The following ARHGAP24 variants were observed in gnomAD, a reference collection of about 807,000 sequenced individuals.
ARHGAP24 encodes the protein rho GTPase-activating protein 24.
ARHGAP24 carries 50 observed loss-of-function variants against 76.4 expected under a neutral mutation model. The observed-to-expected ratio is 0.65, with a 90% CI of 0.52 to 0.83. The LOEUF is 0.83. ARHGAP24 is among the 40% of genes least tolerant of loss of function. The pLI is 0.00. For synonymous variants in ARHGAP24, 345 were observed against 323.3 expected (o/e 1.07, Z -0.72); for missense variants, 930 against 914.2 (o/e 1.02, Z -0.22).
intron 1 of ARHGAP24, among the ~76,000 whole-genome samples, chr4:85,561,577 C>T (rs943488203): frequency 1.8e-4 from 28 of 152,074 alleles, no homozygotes; most frequent in African/African-American, 4.6e-4. Context: ...AAATATTTTT[C>T]GTTATGTAGT....
chr4:85,720,578 A>G (rs954755622), intron 2 of ARHGAP24, among the ~76,000 whole-genome samples: 1 of 152,208 alleles, frequency 6.6e-6, no homozygotes, highest in Admixed American at 6.5e-5. Context: ...TGAAGCTCAG[A>G]GTGTCCTAGA....
intron 3 of ARHGAP24, among the ~76,000 whole-genome samples, chr4:85,762,593 T>C (rs1036247146): frequency 2.0e-5 from 3 of 152,206 alleles, no homozygotes; most frequent in African/African-American, 7.2e-5. Context: ...AAGATAGCTC[T>C]ATCTTGAAAA....
At chr4:85,884,514 T>C (rs1733446851) in intron 3 of ARHGAP24, among the ~76,000 whole-genome samples, 1 of 152,152 alleles carries the variant, frequency 6.6e-6, no homozygotes, top group Non-Finnish European at 1.5e-5. Context: ...TTATGCGTGG[T>C]CACTGGTCTC....
chr4:85,738,367 T>A (rs963113718), intron 3 of ARHGAP24, among the ~76,000 whole-genome samples: 120 of 144,094 alleles, frequency 8.3e-4, no homozygotes, highest in African/African-American at 2.7e-3. Context: ...CATTTGGGCT[T>A]TTATTATTAT....
chr4:85,949,339 G>A (rs1163957273), intron 5 of ARHGAP24, among the ~76,000 whole-genome samples: 2 of 152,122 alleles, frequency 1.3e-5, no homozygotes, highest in Non-Finnish European at 2.9e-5. Context: ...CAATCCAAAT[G>A]TTTTTAGTTT....
At chr4:85,997,079 A>G (rs2164538) in intron 9 of ARHGAP24, among the ~76,000 whole-genome samples, 99,802 of 152,052 alleles carry the variant, frequency 0.66, 34,065 homozygotes, top group African/African-American at 0.84. Flanking sequence ...TCTTACCCTC[A>G]TGACAGGCCA....
At chr4:85,728,385 C>T (rs1236485967) in intron 3 of ARHGAP24, among the ~76,000 whole-genome samples, 1 of 151,882 alleles carries the variant, frequency 6.6e-6, no homozygotes, top group African/African-American at 2.4e-5. Flanking sequence ...CTCTCTCTCA[C>T]CTCTCTCTCA....
chr4:85,673,935 A>G (rs1722890603), intron 2 of ARHGAP24, among the ~76,000 whole-genome samples: 1 of 151,990 alleles, frequency 6.6e-6, no homozygotes, highest in Admixed American at 6.6e-5. Context: ...CTTGTATTTA[A>G]TGGAAATAAT....
At chr4:85,846,742 C>T (rs1385307587) in intron 3 of ARHGAP24, among the ~76,000 whole-genome samples, 1 of 152,132 alleles carries the variant, frequency 6.6e-6, no homozygotes, top group Non-Finnish European at 1.5e-5. Flanking sequence ...GATTTCTAGC[C>T]TTTTAACTGG....
chr4:85,824,356 C>A (rs1277700209), intron 3 of ARHGAP24, among the ~76,000 whole-genome samples: 1 of 152,174 alleles, frequency 6.6e-6, no homozygotes, highest in Non-Finnish European at 1.5e-5. Context: ...TAGAAAAATA[C>A]TTGTCTTCAT....
intron 4 of ARHGAP24, among the ~76,000 whole-genome samples, chr4:85,940,907 G>A (rs1157763065): frequency 6.6e-6 from 1 of 152,144 alleles, no homozygotes; most frequent in African/African-American, 2.4e-5. Context: ...AAATGTGACG[G>A]TTTTGCACTA....
intron 5 of ARHGAP24, among the ~76,000 whole-genome samples, chr4:85,946,189 G>A (rs536894477): frequency 2.6e-5 from 4 of 152,254 alleles, no homozygotes; most frequent in East Asian, 1.9e-4. Flanking sequence ...GGGTCCTCCC[G>A]TGACATGTGG....
At chr4:85,914,639 GT>G (rs1377863827) in intron 3 of ARHGAP24, among the ~76,000 whole-genome samples, 1 of 152,156 alleles carries the variant, frequency 6.6e-6, no homozygotes, top group Non-Finnish European at 1.5e-5. Flanking sequence ...AGACCTTCTT[GT>G]TTTTAACTTT....
At chr4:85,590,160 TTCTG>T (rs1485391078) in intron 2 of ARHGAP24, among the ~76,000 whole-genome samples, 8 of 147,980 alleles carry the variant, frequency 5.4e-5, no homozygotes, top group African/African-American at 1.8e-4. Context: ...CTAACTTTCT[TTCTG>T]CCTGCCTGCC....
At chr4:85,611,142 A>G (rs1268308943) in intron 2 of ARHGAP24, among the ~76,000 whole-genome samples, 1 of 152,204 alleles carries the variant, frequency 6.6e-6, no homozygotes, top group Non-Finnish European at 1.5e-5. Context: ...CTAATATGAA[A>G]CAAGTTATAA....
chr4:85,989,289 G>A (rs918172034), intron 8 of ARHGAP24, among the ~76,000 whole-genome samples: 1 of 151,564 alleles, frequency 6.6e-6, no homozygotes, highest in Non-Finnish European at 1.5e-5. Context: ...TTGGGCAATG[G>A]AGATGAAATG....
chr4:85,674,613 A>T (rs1722912413), intron 2 of ARHGAP24, among the ~76,000 whole-genome samples: 2 of 152,182 alleles, frequency 1.3e-5, no homozygotes, highest in African/African-American at 4.8e-5. Context: ...CAAGGATTAG[A>T]ACTCAGTCAT....
At chr4:85,611,413 G>A (rs1430115973) in intron 2 of ARHGAP24, among the ~76,000 whole-genome samples, 1 of 152,146 alleles carries the variant, frequency 6.6e-6, no homozygotes, top group Admixed American at 6.5e-5. Flanking sequence ...TAATATTAAA[G>A]CATGTATCTC....
intron 3 of ARHGAP24, among the ~76,000 whole-genome samples, chr4:85,846,713 T>G (rs763018942): frequency 2.0e-4 from 30 of 152,180 alleles, no homozygotes; most frequent in Non-Finnish European, 3.4e-4. Context: ...CACCATGCCA[T>G]GAATATCTGA....
Sources: allele counts gnomAD v4.1 joint callset (sites outside exome capture counted in the v4.1 genomes callset), GRCh38; gene constraint gnomAD v4.1.1; transcripts MANE v1.5; gene names NCBI Gene and HGNC (gene_info 2026-07-23, HGNC 2026-07-21).